Variants in GPR176 observed in about 807,000 individuals in gnomAD.
GPR176 encodes the protein G protein-coupled receptor 176.
A neutral mutation model predicts 35.4 loss-of-function variants in GPR176; 26 were observed. The observed-to-expected ratio is 0.74, with a 90% CI of 0.54 to 1.02. The LOEUF (loss-of-function observed/expected upper bound fraction) is 1.02. Ranked by LOEUF, GPR176 falls within the 50% of genes least tolerant of loss-of-function variation. The probability of loss-of-function intolerance (pLI) is 0.00; values close to 1 mark genes in which losing one functional copy is unlikely to be tolerated. For missense variants in GPR176, 597 were observed against 665.3 expected, an observed-to-expected ratio of 0.90 and a Z score of 1.13; for synonymous variants, 278 against 271.3, an observed-to-expected ratio of 1.02 and a Z score of -0.24.
intron 1 of GPR176, among the ~76,000 whole-genome samples, chr15:39,880,680 C>A (rs528186993): frequency 1.3e-5 from 2 of 152,272 alleles, no homozygotes; most frequent in South Asian, 2.1e-4. Context: ...CCCTCCACCC[C>A]CTCAGAAGCC....
intron 1 of GPR176, among the ~76,000 whole-genome samples, chr15:39,890,575 TTTTTA>T (rs1390688910): frequency 3.3e-5 from 5 of 152,148 alleles, no homozygotes; most frequent in African/African-American, 4.8e-5. Context: ...TAAATTATAC[TTTTTA>T]TTTTATTTTT....
chr15:39,875,292 T>C (rs2032200232), intron 1 of GPR176, among the ~76,000 whole-genome samples: 2 of 152,340 alleles, frequency 1.3e-5, no homozygotes, highest in South Asian at 4.1e-4. Context: ...AAACCAACCG[T>C]TTCTAAAAAT....
At chr15:39,860,914 G>C (rs767557285) in intron 1 of GPR176, 5 of 152,220 alleles carry the variant, frequency 3.3e-5, no homozygotes, top group Non-Finnish European at 7.3e-5. Flanking sequence ...GTGGTACCAG[G>C]TGGAAAGCCT....
At chr15:39,887,739 T>C (rs1429562572) in intron 1 of GPR176, among the ~76,000 whole-genome samples, 2 of 152,184 alleles carry the variant, frequency 1.3e-5, no homozygotes, top group East Asian at 3.8e-4. Context: ...GGCACAATGA[T>C]TTTCAAGCGG....
chr15:39,823,842 A>G (rs1900440338), intron 1 of GPR176, among the ~76,000 whole-genome samples: 1 of 152,202 alleles, frequency 6.6e-6, no homozygotes, highest in Non-Finnish European at 1.5e-5. Flanking sequence ...GAGTACTGCT[A>G]TCCTACGGAC....
intron 1 of GPR176, among the ~76,000 whole-genome samples, chr15:39,903,490 A>G (rs1005172433): frequency 2.0e-5 from 3 of 152,330 alleles, no homozygotes; most frequent in Middle Eastern, 3.4e-3. Flanking sequence ...GCAACCAGAC[A>G]AACAGGGAGA....
chr15:39,801,786 G>A lies in GPR176; in HGVS notation c.894C>T (p.Ser298=), dbSNP rs756825203. 17 of 1,613,712 alleles carry A rather than the reference G, an allele frequency of 1.1e-5. No individual in the cohort carries two copies. The highest frequency in any genetic ancestry group is 1.4e-5 in the Non-Finnish European group (16 of 1,179,736). ...YQTVLNVPDT[S]VFLLLTAVWL... Reference sequence around the variant, plus strand: ...AAACAGCAGTGAGCAGCAAGAAGACGGAAGTGTCAGGGACATTGAGCACAG... The same window carrying A: ...AAACAGCAGTGAGCAGCAAGAAGACAGAAGTGTCAGGGACATTGAGCACAG... The change falls in exon 3 of 3, where the codon TCC becomes TCT. Residue 298 remains serine, a synonymous_variant. Coordinates refer to ENST00000561100, the MANE Select transcript of GPR176 (RefSeq NM_007223.3).
intron 1 of GPR176, among the ~76,000 whole-genome samples, chr15:39,898,933 A>G (rs535070013): frequency 6.6e-6 from 1 of 152,258 alleles, no homozygotes; most frequent in South Asian, 2.1e-4. Context: ...GACGATAAGG[A>G]CACTGGTGAG....
At position 39,878,454 on chromosome 15, in the gene GPR176, C is replaced by T. The variant is rs528771240; in HGVS notation, c.172+41401G>A. Among the ~76,000 whole-genome samples, 243 of 140,932 alleles carry T rather than the reference C, an allele frequency of 1.7e-3. 1 individual carries two copies. The highest frequency in any genetic ancestry group is 6.1e-3 in the African/African-American group (233 of 38,052). The allele number at this position is 140,932 out of a possible 152,430, so 92.5% of individuals were successfully genotyped here. Reference sequence around the variant, plus strand: ...CTGTTGCAAATGACAAGACTTCTTCCTTGTGACCAAATAATATTTGTGTGT... The same window carrying T: ...CTGTTGCAAATGACAAGACTTCTTCTTTGTGACCAAATAATATTTGTGTGT... On this transcript the variant is annotated intron_variant, in intron 1 of 2. Transcript: ENST00000561100.
chr15:39,917,341 C>CT (rs766888618), intron 1 of GPR176, among the ~76,000 whole-genome samples: 1,955 of 134,970 alleles, frequency 0.014, 18 homozygotes, highest in East Asian at 0.041. Context: ...TGTGATTGAA[C>CT]TTTTTTTTTT....
intron 1 of GPR176, among the ~76,000 whole-genome samples, chr15:39,889,479 G>A (rs145876052): frequency 0.012 from 1,888 of 151,712 alleles, 50 homozygotes; most frequent in African/African-American, 0.041. Flanking sequence ...CCCAGGAGGT[G>A]GAGGTTGCAG....
chr15:39,910,627 C>T (rs751973398), intron 1 of GPR176, among the ~76,000 whole-genome samples: 1 of 151,916 alleles, frequency 6.6e-6, no homozygotes, highest in Non-Finnish European at 1.5e-5. Flanking sequence ...AGGACAAAGA[C>T]AGGAAGAAGT....
intron 2 of GPR176, among the ~76,000 whole-genome samples, chr15:39,804,735 A>C (rs1899088306): frequency 6.6e-6 from 1 of 152,214 alleles, no homozygotes; most frequent in African/African-American, 2.4e-5. Flanking sequence ...TATACTCCTA[A>C]AATTAAATGA....
At chr15:39,831,994 G>GCACACACA (rs59388406) in intron 1 of GPR176, among the ~76,000 whole-genome samples, 119 of 146,914 alleles carry the variant, frequency 8.1e-4, no homozygotes, top group Middle Eastern at 3.4e-3. Flanking sequence ...ACATGTGCAT[G>GCACACACA]CACACACACA....
At chr15:39,823,390 C>T (rs1900407872) in intron 1 of GPR176, among the ~76,000 whole-genome samples, 1 of 152,190 alleles carries the variant, frequency 6.6e-6, no homozygotes, top group African/African-American at 2.4e-5. Context: ...ATACCTCCAT[C>T]CCCCTGGTTG....
chr15:39,888,895 G>A (rs1037665383), intron 1 of GPR176, among the ~76,000 whole-genome samples: 3 of 152,186 alleles, frequency 2.0e-5, no homozygotes, highest in Non-Finnish European at 2.9e-5. Context: ...GGGTTAGTTA[G>A]GGGACTGGAA....
At chr15:39,881,982 T>G (rs1227507032) in intron 1 of GPR176, among the ~76,000 whole-genome samples, 1 of 152,210 alleles carries the variant, frequency 6.6e-6, no homozygotes, top group Non-Finnish European at 1.5e-5. Flanking sequence ...CGTCAAAGAT[T>G]TCATAACATT....
intron 1 of GPR176, chr15:39,829,425 G>A: frequency 1.0e-6 from 1 of 954,942 alleles, no homozygotes; most frequent in South Asian, 3.1e-5. Context: ...GAGGTTGCAG[G>A]ATCTACAGGG....
chr15:39,809,492 A>G (rs565218914), intron 1 of GPR176, among the ~76,000 whole-genome samples: 1 of 152,350 alleles, frequency 6.6e-6, no homozygotes, highest in Non-Finnish European at 1.5e-5. Flanking sequence ...CCTTCGTTTT[A>G]CAAGGCATAC....
Sources: gnomAD v4.1 joint callset for allele counts (sites outside exome capture counted in the v4.1 genomes callset) on GRCh38, gnomAD v4.1.1 for gene constraint, MANE v1.5 for transcripts, NCBI Gene and HGNC (gene_info 2026-07-23, HGNC 2026-07-21) for gene names.